The following SERPINC1 variants were observed in gnomAD, a reference collection of about 807,000 sequenced individuals.
The protein encoded by SERPINC1 is serpin family C member 1.
A neutral mutation model predicts 43.4 loss-of-function variants in SERPINC1; 12 were observed. The ratio of observed to expected loss-of-function variants is 0.28; its 90% CI spans 0.18 to 0.45. The LOEUF is 0.45. SERPINC1 is among the 20% of genes least tolerant of loss of function. SERPINC1 has a pLI of 1.00. For missense variants in SERPINC1, 423 were observed against 578.8 expected, an observed-to-expected ratio of 0.73 and a Z score of 2.76; for synonymous variants, 210 against 218.9, an observed-to-expected ratio of 0.96 and a Z score of 0.36.
Position 173,911,868 on chromosome 1 carries a change from G to T in SERPINC1, c.555C>A (p.Thr185=). The change falls in exon 3 of 7, where the codon ACC becomes ACA. Residue 185 remains threonine (T), a synonymous_variant. Transcript: ENST00000367698. The stretch of plus-strand genomic sequence containing the variant: ...TGATGTCCTGGTAGGTCTCATTGAA[G>T]GTAAGGGATTTGTCTCCAAAAAGGC... The part of the protein sequence containing the change: ...ANRLFGDKSL[T]FNETYQDISE... 6.2e-7 allele frequency: 1 copy of T among 1,614,210 alleles called. No homozygotes were observed.
intron 2 of SERPINC1, among the ~76,000 whole-genome samples, chr1:173,912,255 C>G (rs1464732280): frequency 1.7e-4 from 26 of 152,184 alleles, no homozygotes; most frequent in Non-Finnish European, 3.5e-4. Flanking sequence ...CCTAAAGTCT[C>G]TAAACGCCTC....
At chr1:173,906,229 C>T (rs1657504095) in intron 6 of SERPINC1, among the ~76,000 whole-genome samples, 1 of 152,190 alleles carries the variant, frequency 6.6e-6, no homozygotes. Flanking sequence ...AAAGATAAAG[C>T]TCCCCAGATA....
At chr1:173,909,102 G>T (rs1472196925) in intron 5 of SERPINC1, among the ~76,000 whole-genome samples, 1 of 152,148 alleles carries the variant, frequency 6.6e-6, no homozygotes, top group Non-Finnish European at 1.5e-5. Flanking sequence ...GGCAGAGGTT[G>T]CAGTGAGCCG....
intron 3 of SERPINC1, 86 bp downstream of exon 3, chr1:173,911,713 G>T: frequency 9.2e-7 from 1 of 1,081,468 alleles, no homozygotes; most frequent in Non-Finnish European, 1.4e-6. Context: ...GCAAAGCAGT[G>T]TGAATTTGGA....
chr1:173,910,559 C>T (rs1338836784), intron 4 of SERPINC1, among the ~76,000 whole-genome samples, 195 bp downstream of exon 4: 3 of 151,962 alleles, frequency 2.0e-5, no homozygotes, highest in Non-Finnish European at 4.4e-5. Flanking sequence ...CCAGCCTGGG[C>T]GACAGAGCGA....
chr1:173,907,518 G>A lies in SERPINC1; in HGVS notation c.1154-4C>T. The A allele has an allele frequency of 6.2e-7, 1 of 1,613,104 alleles. No homozygotes were observed. The highest frequency in any genetic ancestry group is 8.5e-7 in the Non-Finnish European group (1 of 1,179,068). ...TCTCGGCCTTCTGCAACAATACCTG[G>A]AAGGAAGACCGGAGAAGTCTTTGTG... On this transcript the variant is annotated splice_region_variant and splice_polypyrimidine_tract_variant and intron_variant, in intron 5 of 6. Coordinates refer to ENST00000367698, the MANE Select transcript of SERPINC1 (RefSeq NM_000488.4).
chr1:173,915,433 T>C (rs1657946736), intron 1 of SERPINC1, among the ~76,000 whole-genome samples: 1 of 152,148 alleles, frequency 6.6e-6, no homozygotes, highest in African/African-American at 2.4e-5. Flanking sequence ...CCCAGCACTT[T>C]GGGAGGCTGA....
chr1:173,908,531 T>C lies in SERPINC1; in HGVS notation c.1154-1017A>G, dbSNP rs534220453. Among the ~76,000 whole-genome samples the C allele has an allele frequency of 2.1e-3, 320 of 149,410 alleles. 7 individuals carry two copies. The highest frequency in any genetic ancestry group is 2.2e-4 in the Non-Finnish European group (15 of 67,346). ...AAAAAAAGGTCAATAAAGATAAATC[T>C]AATTACTTAACATCGTAAACTTATT... On this transcript the variant is annotated intron_variant, in intron 5 of 6. Transcript: ENST00000367698.
At chr1:173,914,027 G>A (rs1311794493) in intron 2 of SERPINC1, among the ~76,000 whole-genome samples, 1 of 151,360 alleles carries the variant, frequency 6.6e-6, no homozygotes, top group Non-Finnish European at 1.5e-5. Flanking sequence ...GGAGTGAGCC[G>A]AGACTGCACC....
chr1:173,916,259 G>A (rs1010194542), intron 1 of SERPINC1, among the ~76,000 whole-genome samples: 33 of 152,188 alleles, frequency 2.2e-4, no homozygotes, highest in South Asian at 2.1e-4. Flanking sequence ...TGGTTCCTGC[G>A]TGTACACAAG....
intron 3 of SERPINC1, among the ~76,000 whole-genome samples, chr1:173,911,239 CA>C (rs1486455322): frequency 6.6e-6 from 1 of 152,114 alleles, no homozygotes; most frequent in Non-Finnish European, 1.5e-5. Context: ...AGGCATGTGC[CA>C]GGGGAAGCAA....
In SERPINC1 at chr1:173,909,472, C is replaced by G. The variant is rs542350056; in HGVS notation, c.1153+80G>C. On this transcript the variant is annotated intron_variant, in intron 5 of 6. Transcript: ENST00000367698. The stretch of plus-strand genomic sequence containing the variant: ...AGGAGTCCTGACTTGTTGCTCCTTT[C>G]TATTCTTTCTCCAACTCTTCCACTT... 1.9e-5 allele frequency: 28 copies of G among 1,467,948 alleles called. 1 individual carries two copies. In the South Asian group the frequency reaches 3.0e-4, roughly 16 times the overall value. 90.9% of individuals were successfully genotyped at this position (1,467,948 alleles called of 1,614,324 possible).
chr1:173,905,279 C>G (rs929375182), intron 6 of SERPINC1, among the ~76,000 whole-genome samples: 1 of 152,200 alleles, frequency 6.6e-6, no homozygotes, highest in African/African-American at 2.4e-5. Context: ...TGTAAAATCC[C>G]TTGTTCTGAC....
intron 5 of SERPINC1, among the ~76,000 whole-genome samples, chr1:173,908,883 T>C (rs979154901): frequency 1.3e-5 from 2 of 152,124 alleles, no homozygotes; most frequent in African/African-American, 2.4e-5. Flanking sequence ...GATATTTTAA[T>C]GTGCCAGGTG....
At chr1:173,913,082 CTAGAA>C (rs1286479503) in intron 2 of SERPINC1, among the ~76,000 whole-genome samples, 1 of 152,186 alleles carries the variant, frequency 6.6e-6, no homozygotes, top group Non-Finnish European at 1.5e-5. Flanking sequence ...AAATTGACCA[CTAGAA>C]TAGAAGGAAC....
chr1:173,910,792 G>A lies in SERPINC1; in HGVS notation c.724C>T (p.Leu242Phe). ...GTGTTAACCAGCACCAGAACAGTGA[G>A]CTCATTGATGGCTTCCGAGGGAATG... ...DVIPSEAINE[L>F]TVLVLVNTIY... is the part of the protein sequence containing the mutation. Residue 242 changes from leucine to phenylalanine, a missense_variant, in exon 4 of 7, where the codon CTC (leucine) becomes TTC (phenylalanine). Transcript: ENST00000367698. 1 of 1,614,118 alleles carries A rather than the reference G, an allele frequency of 6.2e-7. No individual in the cohort carries two copies. Among genetic ancestry groups the A allele is most frequent in the Non-Finnish European group, 8.5e-7 (1 of 1,180,000 alleles).
chr1:173,904,055 T>C lies in SERPINC1; in HGVS notation c.1229A>G (p.Glu410Gly). Residue 410 changes from glutamate (E) to glycine (G), a missense_variant, in exon 7 of 7, where the codon GAA becomes GGA. Transcript: ENST00000367698. Reference sequence around the variant, plus strand: ...GGTACTTGCAGCTGCTTCACTGCCTTCTTCATTTACCTGCAGGTCACATGG... The same window carrying C: ...GGTACTTGCAGCTGCTTCACTGCCTCCTTCATTTACCTGCAGGTCACATGG... ...FHKAFLEVNE[E>G]GSEAAASTAV... 1.9e-6 allele frequency: 3 copies of C among 1,614,182 alleles called. No individual in the cohort carries two copies. The highest frequency in any genetic ancestry group is 2.5e-6 in the Non-Finnish European group (3 of 1,179,998).
intron 2 of SERPINC1, among the ~76,000 whole-genome samples, 175 bp downstream of exon 2, chr1:173,914,378 T>TA (rs1657898657): frequency 6.6e-6 from 1 of 152,182 alleles, no homozygotes; most frequent in Admixed American, 6.5e-5. Context: ...GCTAATTTTT[T>TA]AAAAAATGAT....
chr1:173,914,535 G>A lies in SERPINC1; in HGVS notation c.408+18C>T, dbSNP rs1244745738. ...GTGCTCCTAACAAGGTGGCTGGGCA[G>A]AAGACCTTTGGTCGTACCTCCATCA... On this transcript the variant is annotated intron_variant, in intron 2 of 6. Transcript: ENST00000367698. 3 of 1,613,660 alleles carry A rather than the reference G, an allele frequency of 1.9e-6. No individual in the cohort carries two copies. The highest frequency in any genetic ancestry group is 2.5e-6 in the Non-Finnish European group (3 of 1,180,052).
Sources: allele counts gnomAD v4.1 joint callset (sites outside exome capture counted in the v4.1 genomes callset), GRCh38; gene constraint gnomAD v4.1.1; transcripts MANE v1.5; gene names NCBI Gene and HGNC (gene_info 2026-07-23, HGNC 2026-07-21).